REEP4: variants seen among roughly 807,000 people sequenced by gnomAD.
REEP4 encodes receptor expression-enhancing protein 4.
A neutral mutation model predicts 33.5 loss-of-function variants in REEP4; 17 were observed. The observed-to-expected ratio is 0.51, with a 90% CI of 0.35 to 0.76. The LOEUF (loss-of-function observed/expected upper bound fraction) is 0.76, where lower values mean the gene tolerates loss of function less well. Among genes scored for constraint, REEP4 ranks in the 30% least tolerant of loss-of-function variants. REEP4 has a pLI of 0.01. For missense variants in REEP4, 340 were observed against 357.9 expected (o/e 0.95, Z 0.40); for synonymous variants, 157 against 142.9 (o/e 1.10, Z -0.70).
Position 22,141,473 on chromosome 8 carries a change from A to G in REEP4, c.10T>C (p.Trp4Arg). The change falls in exon 1 of 8, where the codon TGG becomes CGG. Residue 4 changes from tryptophan to arginine, a missense_variant. Physicochemically the swap from Trp to Arg is moderately radical, Grantham distance 101. Transcript: ENST00000306306. ...CACACCACCAGGCGACAGATCATCC[A>G]GGACACCATCTTGCCGGCCTTTGGG... Reference protein sequence around the residue: MVSWMICRLVVLVF... With the variant: MVSRMICRLVVLVF... The G allele has an allele frequency of 6.3e-7, 1 of 1,596,698 alleles. No individual in the cohort carries two copies. Among genetic ancestry groups the G allele is most frequent in the Non-Finnish European group, 8.5e-7 (1 of 1,172,464 alleles).
rs557500383 is a variant in REEP4, at chr8:22,139,173, C to A, written c.418-112G>T. ...AAACTGCTCAGCAAGCTTCTGGCCCCGCGCCAATGTGGCACCAACAGGAAA... is the reference window on the plus strand; with the variant it reads ...AAACTGCTCAGCAAGCTTCTGGCCCAGCGCCAATGTGGCACCAACAGGAAA... On this transcript the variant is annotated intron_variant, in intron 5 of 7. Coordinates refer to ENST00000306306, the MANE Select transcript of REEP4 (RefSeq NM_025232.4). 1.6e-4 allele frequency: 224 copies of A among 1,428,284 alleles called. 3 individuals carry two copies. In the South Asian group the frequency reaches 2.7e-3, roughly 17 times the overall value. The allele number at this position is 1,428,284 out of a possible 1,614,324, so 88.5% of individuals were successfully genotyped here.
rs143532856 is a variant in REEP4, at chr8:22,138,644, G to A, written c.703C>T (p.Arg235Trp). Residue 235 changes from arginine to tryptophan, a missense_variant, in exon 7 of 8, where the codon CGG becomes TGG. Transcript: ENST00000306306. ...LRVVKRKPPV[R>W]EGTSRSLKVR... ...TGTCGTCCTCCCACACTGACCTCCC[G>A]CACCGGTGGCTTCCTCTTGACCACA... 1.6e-5 allele frequency: 26 copies of A among 1,613,876 alleles called. No homozygotes were observed. The highest frequency in any genetic ancestry group is 9.3e-5 in the African/African-American group (7 of 75,070).
chr8:22,140,000 C>A lies in REEP4; in HGVS notation c.266G>T (p.Arg89Leu), dbSNP rs530601467. The A allele has an allele frequency of 1.9e-6, 3 of 1,591,366 alleles. No individual in the cohort carries two copies. The highest frequency in any genetic ancestry group is 2.6e-6 in the Non-Finnish European group (3 of 1,168,060). ...PYTKGASLLY[R>L]KFVHPSLSRH... ...GGACAGGGACGGGTGGACAAACTTG[C>A]GGTAAAGCAGGCTGGCGCCCTTGGT... Residue 89 changes from arginine (R) to leucine (L), a missense_variant, in exon 4 of 8, where the codon CGC becomes CTC. By Grantham distance (102) the Arg-to-Leu change is moderately radical (BLOSUM62 -2). Transcript: ENST00000306306.
rs760630362 is a variant in REEP4 at position 22,138,649 on chromosome 8, G to A, written c.698C>T (p.Pro233Leu). Residue 233 changes from proline to leucine, a missense_variant, in exon 7 of 8, where the codon CCG becomes CTG. By Grantham distance (98) the Pro-to-Leu change is moderately conservative. Coordinates refer to ENST00000306306, the MANE Select transcript of REEP4 (RefSeq NM_025232.4). ...TCCTCCCACACTGACCTCCCGCACC[G>A]GTGGCTTCCTCTTGACCACACGCAG... ...QSLRVVKRKP[P>L]VREGTSRSLK... is the part of the protein sequence containing the mutation. The A allele has an allele frequency of 1.9e-6, 3 of 1,613,902 alleles. No individual in the cohort carries two copies. Among genetic ancestry groups the A allele is most frequent in the Admixed American group, 1.7e-5 (1 of 60,026 alleles).
At position 22,138,419 on chromosome 8, in the gene REEP4, A is replaced by G; in HGVS notation, c.*68T>C. The G allele has an allele frequency of 6.4e-7, 1 of 1,573,634 alleles. No individual in the cohort carries two copies. Among genetic ancestry groups the G allele is most frequent in the South Asian group, 1.1e-5 (1 of 90,424 alleles). On this transcript the variant is annotated 3_prime_UTR_variant, in exon 8 of 8. Coordinates refer to ENST00000306306, the MANE Select transcript of REEP4 (RefSeq NM_025232.4). ...TGCAGGCAGGCCAGATGTGCAGCCC[A>G]AGGTCCCTCCAAATAGCCCTGGAGC... is the stretch of plus-strand genomic sequence containing the variant.
At chr8:22,139,782 G>A (rs1278681527) in intron 4 of REEP4, 181 bp downstream of exon 4, 3 of 813,422 alleles carry the variant, frequency 3.7e-6, no homozygotes, top group Non-Finnish European at 5.7e-6. Context: ...GGTCATTCAT[G>A]TGTACCCCCA....
At chr8:22,141,395 C>T in intron 1 of REEP4, 56 bp downstream of exon 1, 3 of 1,581,504 alleles carry the variant, frequency 1.9e-6, no homozygotes, top group South Asian at 1.2e-5. Context: ...CAGCTTCCAC[C>T]ACAGGGGCGG....
In REEP4 at chr8:22,139,548, G is replaced by A. The variant is rs1291650421; in HGVS notation, c.304-19C>T. ...CGATCTCCTGTGGACCCAATGGGGA[G>A]GAGAGCTCAGGTGGACAGCCAGAGT... On this transcript the variant is annotated intron_variant, in intron 4 of 7. Transcript: ENST00000306306. The A allele has an allele frequency of 6.4e-7, 1 of 1,571,886 alleles. No individual in the cohort carries two copies. Among genetic ancestry groups the A allele is most frequent in the South Asian group, 1.1e-5 (1 of 88,640 alleles).
chr8:22,139,216 G>A, intron 5 of REEP4, 155 bp from the exon 6 acceptor site: 2 of 1,102,386 alleles, frequency 1.8e-6, no homozygotes, highest in South Asian at 1.3e-5. Context: ...CAGAGAGCAG[G>A]AGCCGCTGCT....
At position 22,138,395 on chromosome 8, in the gene REEP4, G is replaced by T; in HGVS notation, c.*92C>A. On this transcript the variant is annotated 3_prime_UTR_variant, in exon 8 of 8. Coordinates refer to ENST00000306306, the MANE Select transcript of REEP4 (RefSeq NM_025232.4). ...GGAGGGTGGGGCCCAGGCAGCTGGT[G>T]CAGGCAGGCCAGATGTGCAGCCCAA... 1 of 1,457,532 alleles carries T rather than the reference G, an allele frequency of 6.9e-7. No individual in the cohort carries two copies. Among genetic ancestry groups the T allele is most frequent in the Non-Finnish European group, 9.5e-7 (1 of 1,050,532 alleles). The allele number at this position is 1,457,532 out of a possible 1,614,324, so 90.3% of individuals were successfully genotyped here.
In REEP4 at chr8:22,138,249, A is replaced by T. The variant is rs1240909897; in HGVS notation, c.*238T>A. 1 of 661,896 alleles carries T rather than the reference A, an allele frequency of 1.5e-6. No homozygotes were observed. Among genetic ancestry groups the T allele is most frequent in the African/African-American group, 1.8e-5 (1 of 56,292 alleles). The allele number at this position is 661,896 out of a possible 1,614,324, so 41.0% of individuals were successfully genotyped here. A position where few individuals can be genotyped will look rare whatever the true frequency, so the allele number is the denominator to read the frequency against. On this transcript the variant is annotated 3_prime_UTR_variant, in exon 8 of 8. Transcript: ENST00000306306. ...CTTGTCCCACAACCGGGGAAGGGAG[A>T]GGGCAGAGCAAGGCAATAAATAGAA...
intron 5 of REEP4, 100 bp from the exon 6 acceptor site, chr8:22,139,161 A>G (rs1414931785): frequency 6.8e-7 from 1 of 1,473,688 alleles, no homozygotes; most frequent in South Asian, 1.2e-5. Flanking sequence ...CTGCTCAGCA[A>G]GCTTCTGGCC....
At position 22,138,335 on chromosome 8, in the gene REEP4, A is replaced by T; in HGVS notation, c.*152T>A. ...CATCCCTGCATGTGGCCTTGGCAGC[A>T]TCTGCTCCCGGCCCTTAACCATCAG... is the stretch of plus-strand genomic sequence containing the variant. On this transcript the variant is annotated 3_prime_UTR_variant, in exon 8 of 8. Coordinates refer to ENST00000306306, the MANE Select transcript of REEP4 (RefSeq NM_025232.4). 1 of 886,024 alleles carries T rather than the reference A, an allele frequency of 1.1e-6. No homozygotes were observed. The highest frequency in any genetic ancestry group is 1.8e-6 in the Non-Finnish European group (1 of 549,978). 54.9% of individuals were successfully genotyped at this position (886,024 alleles called of 1,614,324 possible).
rs774033773 is a variant in REEP4 at position 22,138,645 on chromosome 8, C to A, written c.702G>T (p.Val234=). The change falls in exon 7 of 8, where the codon GTG becomes GTT. Residue 234 remains valine (V), a synonymous_variant. Transcript: ENST00000306306. The part of the protein sequence containing the change: ...SLRVVKRKPP[V]REGTSRSLKV... ...GTCGTCCTCCCACACTGACCTCCCG[C>A]ACCGGTGGCTTCCTCTTGACCACAC... 6 of 1,613,866 alleles carry A rather than the reference C, an allele frequency of 3.7e-6. No homozygotes were observed. The African/African-American group carries it at 8.0e-5, about 22-fold the overall frequency.
intron 4 of REEP4, chr8:22,139,741 C>G (rs1827196596): frequency 8.6e-6 from 6 of 698,338 alleles, no homozygotes; most frequent in Non-Finnish European, 1.4e-5. Flanking sequence ...CTGCCGCCAC[C>G]ACTACCCCCA....
rs532209385 is a variant in REEP4 at position 22,141,071 on chromosome 8, A to C, written c.33-374T>G. On this transcript the variant is annotated intron_variant, in intron 1 of 7. Transcript: ENST00000306306. ...ATGTGAGCCAGATGTTGGCATACTC[A>C]AAGGTGAGGAATAGGATGGTGAGTC... 2.6e-5 allele frequency among the ~76,000 whole-genome samples: 4 copies of C among 152,362 alleles called. No individual in the cohort carries two copies. The East Asian group carries it at 7.7e-4, about 29-fold the overall frequency.
At position 22,139,403 on chromosome 8, in the gene REEP4, G is replaced by A. The variant is rs778024010; in HGVS notation, c.417+13C>T. 1.5e-5 allele frequency: 24 copies of A among 1,594,608 alleles called. No individual in the cohort carries two copies. The African/African-American group carries it at 3.2e-4, about 21-fold the overall frequency. The stretch of plus-strand genomic sequence containing the variant: ...GGGATGGGGGCTGCTGGAGGGCTGG[G>A]GGCCCAGAGCACCTTGGTGGCAGCC... On this transcript the variant is annotated intron_variant, in intron 5 of 7. Coordinates refer to ENST00000306306, the MANE Select transcript of REEP4 (RefSeq NM_025232.4).
chr8:22,139,314 C>T (rs1312670130), intron 5 of REEP4, 102 bp downstream of exon 5: 4 of 1,057,090 alleles, frequency 3.8e-6, no homozygotes, highest in Non-Finnish European at 4.3e-6. Context: ...CACCCCTGCT[C>T]CCCGGCTGCC....
chr8:22,139,938 C>T (rs1381657518), intron 4 of REEP4, 25 bp downstream of exon 4: 2 of 1,564,446 alleles, frequency 1.3e-6, no homozygotes, highest in Non-Finnish European at 1.7e-6. Flanking sequence ...CCCTAAGCCT[C>T]CCTTCCCGCT....
Sources: gnomAD v4.1 joint callset for allele counts (sites outside exome capture counted in the v4.1 genomes callset) on GRCh38, gnomAD v4.1.1 for gene constraint, MANE v1.5 for transcripts, NCBI Gene and HGNC (gene_info 2026-07-23, HGNC 2026-07-21) for gene names.